PDE4D: variants seen among roughly 807,000 people sequenced by gnomAD.
PDE4D encodes 3',5'-cyclic-AMP phosphodiesterase 4D.
In PDE4D, 24 loss-of-function variants were observed where a neutral mutation model predicts 87.4. The ratio of observed to expected loss-of-function variants is 0.27; its 90% confidence interval spans 0.20 to 0.39. PDE4D has a LOEUF of 0.39. PDE4D is among the 10% of genes least tolerant of loss of function. PDE4D has a pLI of 1.00. For synonymous variants in PDE4D, 384 were observed against 383.2 expected, an observed-to-expected ratio of 1.00 and a Z score of -0.02; for missense variants, 714 against 1,041.0, an observed-to-expected ratio of 0.69 and a Z score of 4.32.
At chr5:60,127,557 G>A (rs1779222659) in intron 2 of PDE4D, 5 of 456,530 alleles carry the variant, frequency 1.1e-5, no homozygotes, top group Non-Finnish European at 1.6e-5. Context: ...AGGTGAAATC[G>A]ACAGGCCTTA....
chr5:59,977,182 G>T (rs1434138325), intron 3 of PDE4D, among the ~76,000 whole-genome samples: 2 of 152,240 alleles, frequency 1.3e-5, no homozygotes, highest in Admixed American at 6.5e-5. Context: ...CAGGCTGAAA[G>T]CCAGGCCTTT....
At chr5:59,091,782 T>A (rs1405339517) in intron 5 of PDE4D, among the ~76,000 whole-genome samples, 1 of 152,130 alleles carries the variant, frequency 6.6e-6, no homozygotes, top group Admixed American at 6.6e-5. Context: ...TTTTACATAC[T>A]TTCTTAAATT....
intron 2 of PDE4D, among the ~76,000 whole-genome samples, chr5:59,995,852 C>A (rs1469963705): frequency 2.0e-5 from 3 of 152,076 alleles, no homozygotes; most frequent in African/African-American, 7.2e-5. Context: ...GTGCCTGGAA[C>A]AAAACATATG....
At chr5:59,028,952 C>T (rs1238838095) in intron 6 of PDE4D, among the ~76,000 whole-genome samples, 1 of 152,236 alleles carries the variant, frequency 6.6e-6, no homozygotes, top group East Asian at 1.9e-4. Flanking sequence ...AAAAATATAA[C>T]TTGAACATCA....
Position 59,200,628 on chromosome 5 carries a change from C to T in PDE4D, c.648-7092G>A, listed in dbSNP as rs199816172. 4.6e-5 allele frequency among the ~76,000 whole-genome samples: 6 copies of T among 131,450 alleles called. No individual in the cohort carries two copies. In the East Asian group the frequency reaches 7.3e-4, roughly 16 times the overall value. 86.2% of individuals were successfully genotyped at this position (131,450 alleles called of 152,430 possible). A position where few individuals can be genotyped will look rare whatever the true frequency, so the allele number is the denominator to read the frequency against. ...ATGTACAGATACACGTATACATACACGTGTATGTACAGATACACGTATACA... is the reference window on the plus strand; with the variant it reads ...ATGTACAGATACACGTATACATACATGTGTATGTACAGATACACGTATACA... On this transcript the variant is annotated intron_variant, in intron 2 of 14. Transcript: ENST00000340635.
intron 1 of PDE4D, among the ~76,000 whole-genome samples, chr5:60,377,496 A>G (rs1761522648): frequency 6.6e-6 from 1 of 152,218 alleles, no homozygotes. Flanking sequence ...CTGACCAAAT[A>G]TTGTTTATTA....
At chr5:59,642,611 T>C (rs970395640) in intron 1 of PDE4D, among the ~76,000 whole-genome samples, 7 of 152,174 alleles carry the variant, frequency 4.6e-5, no homozygotes, top group Non-Finnish European at 1.0e-4. Context: ...GTAAGAAGTG[T>C]CTTTCACCTC....
At chr5:59,093,810 T>A (rs1055108876) in intron 5 of PDE4D, among the ~76,000 whole-genome samples, 2 of 151,960 alleles carry the variant, frequency 1.3e-5, no homozygotes, top group Non-Finnish European at 2.9e-5. Flanking sequence ...GAAGCAAACA[T>A]CAACTGAAGA....
At chr5:60,423,268 T>C (rs1303848025) in intron 1 of PDE4D, among the ~76,000 whole-genome samples, 2 of 152,188 alleles carry the variant, frequency 1.3e-5, no homozygotes, top group Non-Finnish European at 2.9e-5. Context: ...ATCACACTTA[T>C]TCTAAAATTG....
chr5:59,576,265 GCAC>G (rs747380775), intron 1 of PDE4D, among the ~76,000 whole-genome samples: 2 of 152,092 alleles, frequency 1.3e-5, no homozygotes, highest in Non-Finnish European at 2.9e-5. Flanking sequence ...ACCCAAGGTT[GCAC>G]CCTTAGTAAG....
At chr5:60,185,122 G>T (rs961426752) in intron 2 of PDE4D, among the ~76,000 whole-genome samples, 1 of 152,092 alleles carries the variant, frequency 6.6e-6, no homozygotes. Flanking sequence ...ATATGCCAGG[G>T]TAGAAAGCTC....
intron 1 of PDE4D, among the ~76,000 whole-genome samples, chr5:60,287,454 T>TGA (rs1562290772): frequency 4.6e-5 from 7 of 152,190 alleles, no homozygotes; most frequent in Non-Finnish European, 8.8e-5. Flanking sequence ...GGAAGGCTCT[T>TGA]CAAAGACAAG....
At chr5:59,202,337 G>T (rs548062943) in intron 2 of PDE4D, among the ~76,000 whole-genome samples, 3 of 151,776 alleles carry the variant, frequency 2.0e-5, no homozygotes, top group Non-Finnish European at 4.4e-5. Flanking sequence ...ACAGCGCCTC[G>T]CCCGTTTTGA....
intron 2 of PDE4D, among the ~76,000 whole-genome samples, chr5:60,067,699 T>G (rs1772259724): frequency 6.6e-6 from 1 of 152,098 alleles, no homozygotes; most frequent in Non-Finnish European, 1.5e-5. Context: ...GCCCATTGTT[T>G]AGTAACTCCC....
intron 2 of PDE4D, among the ~76,000 whole-genome samples, chr5:60,098,930 C>A (rs970770316): frequency 6.6e-6 from 1 of 151,880 alleles, no homozygotes; most frequent in Non-Finnish European, 1.5e-5. Flanking sequence ...GATGTTACTT[C>A]GGGTCCTTTC....
intron 2 of PDE4D, among the ~76,000 whole-genome samples, chr5:60,046,577 G>A (rs1349795868): frequency 3.3e-5 from 5 of 151,880 alleles, no homozygotes; most frequent in Non-Finnish European, 4.4e-5. Flanking sequence ...TTAGCATGAA[G>A]CATTGTTGAA....
At chr5:59,982,089 TTCTC>T (rs1360428862) in intron 3 of PDE4D, among the ~76,000 whole-genome samples, 2 of 152,222 alleles carry the variant, frequency 1.3e-5, no homozygotes, top group Non-Finnish European at 2.9e-5. Flanking sequence ...AAAGTAATTC[TTCTC>T]TCTCTGTTGG....
chr5:59,420,825 G>A (rs887654269), intron 1 of PDE4D, among the ~76,000 whole-genome samples: 10 of 151,858 alleles, frequency 6.6e-5, no homozygotes, highest in Admixed American at 1.3e-4. Context: ...ATCTTACATC[G>A]GATACCGGCA....
At chr5:59,992,449 T>C (rs1359562166) in intron 2 of PDE4D, among the ~76,000 whole-genome samples, 3 of 152,228 alleles carry the variant, frequency 2.0e-5, no homozygotes, top group African/African-American at 7.2e-5. Flanking sequence ...CTATTAGTTC[T>C]GTCCCTCTAG....
Sources: allele counts gnomAD v4.1 joint callset (sites outside exome capture counted in the v4.1 genomes callset), GRCh38; gene constraint gnomAD v4.1.1; transcripts MANE v1.5; gene names NCBI Gene and HGNC (gene_info 2026-07-23, HGNC 2026-07-21).